EYS: variants seen among roughly 807,000 people sequenced by gnomAD.
The protein encoded by EYS is EGF-like photoreceptor maintenance factor, also known as protein eyes shut homolog.
Under a neutral mutation model 282.1 loss-of-function variants are expected in EYS, and 250 were observed. The observed-to-expected ratio is 0.89, with a 90% CI of 0.80 to 0.98. The LOEUF is 0.98. EYS is among the 50% of genes least tolerant of loss of function. The pLI, the probability that EYS is intolerant of heterozygous loss-of-function variation, is 0.00. For synonymous variants in EYS, 1,355 were observed against 1,282.9 expected (o/e 1.06, Z -1.20); for missense variants, 4,016 against 3,709.0 (o/e 1.08, Z -2.15).
intron 7 of EYS, among the ~76,000 whole-genome samples, chr6:65,393,212 A>G (rs1349064026): frequency 6.6e-6 from 1 of 152,124 alleles, no homozygotes. Flanking sequence ...TGGGAGATAT[A>G]CCTAATGCTA....
chr6:64,288,451 C>G (rs1768577847), intron 30 of EYS, among the ~76,000 whole-genome samples: 1 of 152,084 alleles, frequency 6.6e-6, no homozygotes, highest in African/African-American at 2.4e-5. Flanking sequence ...TCAGACCACT[C>G]CTTCCAGTCT....
At chr6:64,206,560 A>T (rs966672636) in intron 31 of EYS, among the ~76,000 whole-genome samples, 1 of 152,190 alleles carries the variant, frequency 6.6e-6, no homozygotes, top group Admixed American at 6.5e-5. Context: ...TTTTCTTGTC[A>T]TGAATTTTAT....
At chr6:65,492,882 A>G (rs2127268757) in intron 4 of EYS, among the ~76,000 whole-genome samples, 1 of 152,198 alleles carries the variant, frequency 6.6e-6, no homozygotes, top group Admixed American at 6.5e-5. Context: ...ACAGCCTACA[A>G]TGGCTTATTG....
intron 22 of EYS, among the ~76,000 whole-genome samples, chr6:64,697,740 G>T (rs1393534610): frequency 1.3e-5 from 2 of 152,052 alleles, no homozygotes; most frequent in Non-Finnish European, 2.9e-5. Context: ...TCAAGAGATT[G>T]AGACCAACCT....
intron 5 of EYS, among the ~76,000 whole-genome samples, chr6:65,420,454 C>A (rs1338492013): frequency 6.6e-6 from 1 of 151,920 alleles, no homozygotes; most frequent in Non-Finnish European, 1.5e-5. Flanking sequence ...TTCTAGTGTT[C>A]TTGCTATTTC....
intron 12 of EYS, among the ~76,000 whole-genome samples, chr6:65,232,249 C>G (rs1437961620): frequency 6.6e-6 from 1 of 151,818 alleles, no homozygotes; most frequent in Non-Finnish European, 1.5e-5. Flanking sequence ...ATATAATGTC[C>G]AAAATTAAAA....
chr6:64,767,802 T>A (rs1250748570), intron 22 of EYS, among the ~76,000 whole-genome samples: 1 of 152,132 alleles, frequency 6.6e-6, no homozygotes. Context: ...AAATGCCCAA[T>A]AGTGGGATTG....
At chr6:64,304,319 A>T (rs899073487) in intron 30 of EYS, among the ~76,000 whole-genome samples, 18 of 152,228 alleles carry the variant, frequency 1.2e-4, no homozygotes, top group South Asian at 8.3e-4. Flanking sequence ...TTAAGGGAGA[A>T]ATAGACAATT....
chr6:65,232,865 C>G (rs1277910419), intron 12 of EYS, among the ~76,000 whole-genome samples: 2 of 152,054 alleles, frequency 1.3e-5, no homozygotes, highest in Non-Finnish European at 2.9e-5. Context: ...TATAAACTGC[C>G]TATTCTAGAC....
chr6:64,445,784 G>A (rs749923209), intron 26 of EYS, among the ~76,000 whole-genome samples: 33 of 152,190 alleles, frequency 2.2e-4, no homozygotes, highest in Admixed American at 5.9e-4. Flanking sequence ...AAGTTAAGGA[G>A]AACCTTTCCT....
At chr6:64,872,041 G>T (rs1244822812) in intron 19 of EYS, among the ~76,000 whole-genome samples, 1 of 152,000 alleles carries the variant, frequency 6.6e-6, no homozygotes, top group African/African-American at 2.4e-5. Context: ...TAAAGATGGA[G>T]AATCTTGTTT....
At chr6:64,484,505 T>C (rs1379071539) in intron 26 of EYS, among the ~76,000 whole-genome samples, 1 of 151,648 alleles carries the variant, frequency 6.6e-6, no homozygotes, top group Non-Finnish European at 1.5e-5. Flanking sequence ...TAGGCAGCTA[T>C]GGCTTGACAT....
At chr6:65,317,936 C>T (rs1369641788) in intron 11 of EYS, among the ~76,000 whole-genome samples, 1 of 148,778 alleles carries the variant, frequency 6.7e-6, no homozygotes. Flanking sequence ...GGTGCGATCT[C>T]GGCTCACCGC....
chr6:64,075,288 G>A (rs1300811079), intron 32 of EYS, among the ~76,000 whole-genome samples: 1 of 151,934 alleles, frequency 6.6e-6, no homozygotes, highest in African/African-American at 2.4e-5. Flanking sequence ...TTGTCAGTGG[G>A]AAGATGGCAG....
chr6:64,208,441 T>C (rs1223454733), intron 31 of EYS, among the ~76,000 whole-genome samples: 4 of 152,226 alleles, frequency 2.6e-5, no homozygotes, highest in African/African-American at 9.6e-5. Flanking sequence ...CTGTCTTTAG[T>C]ATCTCTTCTC....
At chr6:64,568,381 T>C (rs1765623047) in intron 26 of EYS, among the ~76,000 whole-genome samples, 1 of 152,142 alleles carries the variant, frequency 6.6e-6, no homozygotes. Flanking sequence ...GAAAAATCAG[T>C]GAGCATAGTG....
At chr6:64,594,180 C>T (rs1039176720) in intron 24 of EYS, among the ~76,000 whole-genome samples, 2 of 152,038 alleles carry the variant, frequency 1.3e-5, no homozygotes, top group African/African-American at 4.8e-5. Flanking sequence ...ACTTTCAACT[C>T]ACACCAAAAA....
chr6:64,647,459 T>G (rs1049248726), intron 22 of EYS, among the ~76,000 whole-genome samples: 6 of 152,202 alleles, frequency 3.9e-5, no homozygotes, highest in African/African-American at 1.4e-4. Flanking sequence ...TTGTTCATTA[T>G]GTTCATGAAG....
At chr6:65,579,157 T>C (rs189859964) in intron 2 of EYS, among the ~76,000 whole-genome samples, 1 of 152,216 alleles carries the variant, frequency 6.6e-6, no homozygotes, top group Admixed American at 6.6e-5. Flanking sequence ...TATACATGTG[T>C]TTTTTTGTTC....
Sources: allele counts gnomAD v4.1 joint callset (sites outside exome capture counted in the v4.1 genomes callset), GRCh38; gene constraint gnomAD v4.1.1; transcripts MANE v1.5; gene names NCBI Gene and HGNC (gene_info 2026-07-23, HGNC 2026-07-21).